HYDIN: variants seen among roughly 807,000 people sequenced by gnomAD.
The protein encoded by HYDIN is axonemal central pair apparatus protein HYDIN.
HYDIN carries 132 observed loss-of-function variants against 403.9 expected under a neutral mutation model. That is an observed-to-expected ratio of 0.33 (90% CI 0.28 to 0.38). The LOEUF (loss-of-function observed/expected upper bound fraction) is 0.38. HYDIN is among the 10% of genes least tolerant of loss of function. The pLI is 1.00. For synonymous variants in HYDIN, 1,202 were observed against 1,891.7 expected (o/e 0.64, Z 9.46); for missense variants, 2,827 against 5,009.5 (o/e 0.56, Z 13.15).
rs374203673 is a variant in HYDIN at position 71,096,949 on chromosome 16, G to C, written c.1328-3014C>G. On this transcript the variant is annotated intron_variant, in intron 10 of 85. Coordinates refer to ENST00000393567, the MANE Select transcript of HYDIN (RefSeq NM_001270974.2). ...TAATCCCAGACAACCTAATTTAGCT[G>C]TTCTCAGCTAAGGTTTTGTGAGAGA... 1.0e-3 allele frequency among the ~76,000 whole-genome samples: 109 copies of C among 105,040 alleles called. 23 individuals carry two copies. Among genetic ancestry groups the C allele is most frequent in the Middle Eastern group, 8.7e-3 (2 of 230 alleles). The allele number at this position is 105,040 out of a possible 152,430, so 68.9% of individuals were successfully genotyped here. A position where few individuals can be genotyped will look rare whatever the true frequency, so the allele number is the denominator to read the frequency against.
At chr16:70,824,531 A>G (rs1290971099) in intron 83 of HYDIN, among the ~76,000 whole-genome samples, 1 of 145,876 alleles carries the variant, frequency 6.9e-6, no homozygotes, top group African/African-American at 2.5e-5. Flanking sequence ...TCTTTGATTC[A>G]CTTTTTTTTT....
intron 57 of HYDIN, among the ~76,000 whole-genome samples, chr16:70,891,153 T>C (rs1168539239): frequency 6.6e-6 from 1 of 152,156 alleles, no homozygotes; most frequent in African/African-American, 2.4e-5. Flanking sequence ...CAAGATCTAC[T>C]GGTGATTTCG....
chr16:70,916,067 C>A (rs1335818223), intron 47 of HYDIN, among the ~76,000 whole-genome samples: 1 of 152,226 alleles, frequency 6.6e-6, no homozygotes, highest in African/African-American at 2.4e-5. Flanking sequence ...AGGCTACCCA[C>A]CTCCCAGCTG....
At chr16:71,209,502 T>C (rs2088475935) in intron 1 of HYDIN, among the ~76,000 whole-genome samples, 1 of 151,794 alleles carries the variant, frequency 6.6e-6, no homozygotes, top group African/African-American at 2.4e-5. Context: ...GGATGTCCAC[T>C]CTCACCACTT....
chr16:70,954,730 G>C (rs975046474), intron 40 of HYDIN, among the ~76,000 whole-genome samples: 2 of 152,204 alleles, frequency 1.3e-5, no homozygotes, highest in Non-Finnish European at 2.9e-5. Flanking sequence ...TTACATGATA[G>C]TCAAGGGCTA....
chr16:70,981,687 G>A, intron 28 of HYDIN, 119 bp from the exon 29 acceptor site: 1 of 1,374,998 alleles, frequency 7.3e-7, no homozygotes, highest in Non-Finnish European at 9.5e-7. Context: ...AGAAGGAAAG[G>A]AGTAAGAGAT....
intron 84 of HYDIN, among the ~76,000 whole-genome samples, chr16:70,811,818 T>C (rs1194049640): frequency 2.0e-5 from 3 of 149,232 alleles, no homozygotes; most frequent in Non-Finnish European, 3.0e-5. Context: ...GATCACGCCA[T>C]TGCACTCCAG....
rs2040643986 is a variant in HYDIN, at chr16:70,879,459, C to T, written c.10395G>A (p.Val3465=). The T allele has an allele frequency of 6.2e-7, 1 of 1,613,052 alleles. No individual in the cohort carries two copies. Among genetic ancestry groups the T allele is most frequent in the South Asian group, 1.1e-5 (1 of 90,806 alleles). The change falls in exon 62 of 86, where the codon GTG becomes GTA. Residue 3465 remains valine, a synonymous_variant. Coordinates refer to ENST00000393567, the MANE Select transcript of HYDIN (RefSeq NM_001270974.2). ...GGTTCCCCTCACCAGCGATGTCAAA[C>T]ACGAGGCCTCGGCTCTTGGCCAGGG... ...PSTLAKSRGL[V]FDIAGEGNLP...
rs767375464 is a variant in HYDIN, at chr16:70,904,518, T to TTTTTTTTTTTTTTTTTTTTTTTTG, written c.8517-455_8517-454insCAAAAAAAAAAAAAAAAAAAAAAA. 2.2e-3 allele frequency among the ~76,000 whole-genome samples: 80 copies of TTTTTTTTTTTTTTTTTTTTTTTTG among 37,012 alleles called. 34 individuals carry two copies. Among genetic ancestry groups the TTTTTTTTTTTTTTTTTTTTTTTTG allele is most frequent in the Non-Finnish European group, 3.5e-3 (66 of 19,124 alleles). 24.3% of individuals were successfully genotyped at this position (37,012 alleles called of 152,430 possible). ...TTTTTTTTTTTTTTTTTTTTTTTTT[T>TTTTTTTTTTTTTTTTTTTTTTTTG]TGAGGGAGTTTCGTTCTTGTTGCCC... On this transcript the variant is annotated intron_variant, in intron 50 of 85. Coordinates refer to ENST00000393567, the MANE Select transcript of HYDIN (RefSeq NM_001270974.2).
chr16:70,842,836 C>T (rs1257505372), intron 75 of HYDIN, among the ~76,000 whole-genome samples: 1 of 151,714 alleles, frequency 6.6e-6, no homozygotes, highest in Non-Finnish European at 1.5e-5. Context: ...TCTATTCCTC[C>T]ATTACTGCCT....
Position 70,807,869 on chromosome 16 carries a change from G to A in HYDIN, c.15077C>T (p.Pro5026Leu). 3 of 1,614,166 alleles carry A rather than the reference G, an allele frequency of 1.9e-6. No homozygotes were observed. Among genetic ancestry groups the A allele is most frequent in the Non-Finnish European group, 2.5e-6 (3 of 1,180,026 alleles). ...PLFGMALPPK[P>L]QGPFSIRAGY... ...GGCTCGGATCGAGAAGGGACCTTGG[G>A]GCTTGGGAGGCAGAGCCATTCCAAA... The change falls in exon 86 of 86, where the codon CCC (proline) becomes CTC (leucine). Residue 5026 changes from proline (P) to leucine (L), a missense_variant. By Grantham distance (98) the Pro-to-Leu change is moderately conservative. Transcript: ENST00000393567.
In HYDIN at chr16:70,936,949, C is replaced by T. The variant is rs1228391936; in HGVS notation, c.6996-835G>A. 2.0e-5 allele frequency among the ~76,000 whole-genome samples: 3 copies of T among 151,566 alleles called. No individual in the cohort carries two copies. The East Asian group carries it at 5.8e-4, about 29-fold the overall frequency. On this transcript the variant is annotated intron_variant, in intron 44 of 85. Transcript: ENST00000393567. ...TTCCCTTTCCGCTGTCATTCAACTGCTCCTGCCCCTGCTGCTGACAGCAGA... is the reference window on the plus strand; with the variant it reads ...TTCCCTTTCCGCTGTCATTCAACTGTTCCTGCCCCTGCTGCTGACAGCAGA...
chr16:70,965,738 A>T (rs2078552886), intron 36 of HYDIN, among the ~76,000 whole-genome samples: 1 of 152,054 alleles, frequency 6.6e-6, no homozygotes, highest in Non-Finnish European at 1.5e-5. Flanking sequence ...TAAATATTTG[A>T]ACACCACTGC....
At chr16:71,106,573 G>T (rs369446544) in intron 10 of HYDIN, among the ~76,000 whole-genome samples, 36 of 152,240 alleles carry the variant, frequency 2.4e-4, no homozygotes, top group Admixed American at 1.6e-3. Flanking sequence ...GCTTTCAAAA[G>T]AAAAGAGGAT....
At chr16:70,921,283 A>G in intron 45 of HYDIN, 66 bp from the exon 46 acceptor site, 1 of 1,528,422 alleles carries the variant, frequency 6.5e-7, no homozygotes, top group Non-Finnish European at 8.7e-7. Context: ...TTGCATAAGG[A>G]GGAGCAAAAG....
chr16:70,818,582 C>T lies in HYDIN; in HGVS notation c.14428-10G>A, dbSNP rs769043171. The T allele has an allele frequency of 2.3e-5, 20 of 873,822 alleles. No homozygotes were observed. The highest frequency in any genetic ancestry group is 1.9e-4 in the South Asian group (13 of 69,210). 54.1% of individuals were successfully genotyped at this position (873,822 alleles called of 1,614,324 possible). A position where few individuals can be genotyped will look rare whatever the true frequency, so the allele number is the denominator to read the frequency against. ...CGTTTCGGAAGATCACCTGCATTCA[C>T]GGGGAGAGAGGGAGGAAGGAGGGAA... is the stretch of plus-strand genomic sequence containing the variant. On this transcript the variant is annotated splice_polypyrimidine_tract_variant and intron_variant, in intron 83 of 85. Transcript: ENST00000393567.
intron 45 of HYDIN, among the ~76,000 whole-genome samples, chr16:70,925,006 C>T (rs1567841484): frequency 1.3e-5 from 2 of 152,254 alleles, no homozygotes; most frequent in Non-Finnish European, 2.9e-5. Context: ...AAAAGGTCCA[C>T]CTGAAATAGC....
chr16:71,196,552 T>A (rs2087705029), intron 1 of HYDIN, among the ~76,000 whole-genome samples: 1 of 152,138 alleles, frequency 6.6e-6, no homozygotes, highest in Non-Finnish European at 1.5e-5. Flanking sequence ...ACCTTGCAGA[T>A]AGTATATTTG....
chr16:70,892,944 TA>T (rs1310119382), intron 55 of HYDIN, among the ~76,000 whole-genome samples: 1 of 152,100 alleles, frequency 6.6e-6, no homozygotes, highest in African/African-American at 2.4e-5. Context: ...AGGGGTCCTG[TA>T]ACAGAGGTAC....
Sources: gnomAD v4.1 joint callset for allele counts (sites outside exome capture counted in the v4.1 genomes callset) on GRCh38, gnomAD v4.1.1 for gene constraint, MANE v1.5 for transcripts, NCBI Gene and HGNC (gene_info 2026-07-23, HGNC 2026-07-21) for gene names.